SLC46A1: variants seen among roughly 807,000 people sequenced by gnomAD.
SLC46A1 encodes proton-coupled folate transporter.
A neutral mutation model predicts 32.1 loss-of-function variants in SLC46A1; 17 were observed. That is an observed-to-expected ratio of 0.53 (90% CI 0.36 to 0.79). The LOEUF is 0.79. SLC46A1 is among the 30% of genes least tolerant of loss of function. The probability of loss-of-function intolerance (pLI) is 0.00; values close to 1 mark genes in which losing one functional copy is unlikely to be tolerated. For synonymous variants in SLC46A1, 240 were observed against 262.7 expected, an observed-to-expected ratio of 0.91 and a Z score of 0.84; for missense variants, 517 against 588.2, an observed-to-expected ratio of 0.88 and a Z score of 1.25.
intron 3 of SLC46A1, chr17:28,401,257 C>T (rs1555589583): frequency 5.9e-6 from 1 of 169,566 alleles, no homozygotes; most frequent in Non-Finnish European, 1.3e-5. Context: ...TTGTGAGCAA[C>T]ATTAAGTTCA....
chr17:28,402,197 T>A lies in SLC46A1; in HGVS notation c.1165+41A>T, dbSNP rs1555589751. 5 of 1,574,978 alleles carry A rather than the reference T, an allele frequency of 3.2e-6. No individual in the cohort carries two copies. In the Admixed American group the frequency reaches 8.6e-5, roughly 27 times the overall value. ...CCCATCAGCCCGTTTCGGGCAGCAC[T>A]GGACATGAGGAACCAGACACAGGTG... On this transcript the variant is annotated intron_variant, in intron 3 of 4. Coordinates refer to ENST00000612814, the MANE Select transcript of SLC46A1 (RefSeq NM_080669.6).
Position 28,401,152 on chromosome 17 carries a change from C to T in SLC46A1, c.1166-386G>A, listed in dbSNP as rs41297107. On this transcript the variant is annotated intron_variant, in intron 3 of 4. Transcript: ENST00000612814. ...GGATTAACTGCTGGTCTGATCAGTT[C>T]CAATATTCATAGCGGTGTCACCACT... 1.0e-3 allele frequency: 305 copies of T among 295,348 alleles called. 1 individual carries two copies. In the Middle Eastern group the frequency reaches 0.017, roughly 17 times the overall value. The allele number at this position is 295,348 out of a possible 1,614,324, so 18.3% of individuals were successfully genotyped here.
chr17:28,396,495 C>G lies in SLC46A1; in HGVS notation c.*3161G>C. The G allele has an allele frequency of 1.6e-6, 1 of 619,874 alleles. No homozygotes were observed. Among genetic ancestry groups the G allele is most frequent in the Non-Finnish European group, 2.8e-6 (1 of 359,614 alleles). The allele number at this position is 619,874 out of a possible 1,614,324, so 38.4% of individuals were successfully genotyped here. On this transcript the variant is annotated 3_prime_UTR_variant, in exon 5 of 5. Transcript: ENST00000612814. ...AGGGAAGGGAAGTCAGGCTTGGGCA[C>G]GGGAGGTTAGAACTCCCCCAGGCCC...
chr17:28,396,039 GCC>G lies in SLC46A1; in HGVS notation c.*3615_*3616del. On this transcript the variant is annotated 3_prime_UTR_variant, in exon 5 of 5. Coordinates refer to ENST00000612814, the MANE Select transcript of SLC46A1 (RefSeq NM_080669.6). The stretch of plus-strand genomic sequence containing the variant: ...TCAACGGTATCAAGTGAGCCCCAGG[GCC>G]CTGGGACCAGGGGGGTAGGGTACAA... 3 of 1,613,856 alleles carry G rather than the reference GCC, an allele frequency of 1.9e-6. No homozygotes were observed. Among genetic ancestry groups the G allele is most frequent in the Non-Finnish European group, 2.5e-6 (3 of 1,179,830 alleles).
At position 28,398,529 on chromosome 17, in the gene SLC46A1, C is replaced by T. The variant is rs1555588730; in HGVS notation, c.*1127G>A. On this transcript the variant is annotated 3_prime_UTR_variant, in exon 5 of 5. Transcript: ENST00000612814. The stretch of plus-strand genomic sequence containing the variant: ...CTCAGAAGTGGCCTTTCCTCCAAAG[C>T]CTGCTCAGACACAGGTCTGTAGGGC... 2 of 152,336 alleles carry T rather than the reference C, an allele frequency of 1.3e-5. No homozygotes were observed. Among genetic ancestry groups the T allele is most frequent in the African/African-American group, 4.8e-5 (2 of 41,452 alleles). 9.4% of individuals were successfully genotyped at this position (152,336 alleles called of 1,614,324 possible).
Position 28,399,527 on chromosome 17 carries a change from G to A in SLC46A1, c.*129C>T, listed in dbSNP as rs886052752. ...TGCCTTGGTCTCTCTTGACTACCTCGTCCAAAGAGAGCACTGCCCTTAGAC... is the reference window on the plus strand; with the variant it reads ...TGCCTTGGTCTCTCTTGACTACCTCATCCAAAGAGAGCACTGCCCTTAGAC... On this transcript the variant is annotated 3_prime_UTR_variant, in exon 5 of 5. Transcript: ENST00000612814. 18 of 909,312 alleles carry A rather than the reference G, an allele frequency of 2.0e-5. No homozygotes were observed. Among genetic ancestry groups the A allele is most frequent in the South Asian group, 7.7e-5 (5 of 64,806 alleles). 56.3% of individuals were successfully genotyped at this position (909,312 alleles called of 1,614,324 possible).
Position 28,396,307 on chromosome 17 carries a change from C to G in SLC46A1, c.*3349G>C. ...CCTAACCAGTCCCCAGTTCCCCAGCCCTGCTGTGACTTCCATTTCCATCGT... is the reference window on the plus strand; with the variant it reads ...CCTAACCAGTCCCCAGTTCCCCAGCGCTGCTGTGACTTCCATTTCCATCGT... On this transcript the variant is annotated 3_prime_UTR_variant, in exon 5 of 5. Coordinates refer to ENST00000612814, the MANE Select transcript of SLC46A1 (RefSeq NM_080669.6). 6.2e-7 allele frequency: 1 copy of G among 1,613,076 alleles called. No individual in the cohort carries two copies. The highest frequency in any genetic ancestry group is 8.5e-7 in the Non-Finnish European group (1 of 1,179,324).
chr17:28,396,141 G>T lies in SLC46A1; in HGVS notation c.*3515C>A, dbSNP rs1314666787. 5.6e-6 allele frequency: 9 copies of T among 1,613,920 alleles called. No homozygotes were observed. The highest frequency in any genetic ancestry group is 3.3e-4 in the Middle Eastern group (2 of 6,062). On this transcript the variant is annotated 3_prime_UTR_variant, in exon 5 of 5. Coordinates refer to ENST00000612814, the MANE Select transcript of SLC46A1 (RefSeq NM_080669.6). ...CTGCCCAGCTGTCTGAACCACATTG[G>T]CTCCTGTGCCCACAGGTGGTCCCAC...
Position 28,396,730 on chromosome 17 carries a change from G to T in SLC46A1, c.*2926C>A. ...TCTGAGCAAGGGCCTGGGCCCAGGA[G>T]CCAGCCAGGGATGAGTGCCATCATG... On this transcript the variant is annotated 3_prime_UTR_variant, in exon 5 of 5. Coordinates refer to ENST00000612814, the MANE Select transcript of SLC46A1 (RefSeq NM_080669.6). The T allele has an allele frequency of 5.8e-6, 1 of 173,242 alleles. No individual in the cohort carries two copies. The highest frequency in any genetic ancestry group is 1.2e-5 in the Non-Finnish European group (1 of 81,066). 10.7% of individuals were successfully genotyped at this position (173,242 alleles called of 1,614,324 possible). A position where few individuals can be genotyped will look rare whatever the true frequency, so the allele number is the denominator to read the frequency against.
At position 28,400,713 on chromosome 17, in the gene SLC46A1, A is replaced by C; in HGVS notation, c.1219T>G (p.Ser407Ala). ...GGGTAGAGTGAGTTGAAGATGCCGG[A>C]GGCCGTCAGCATGGCCAGGCTATTC... Reference protein sequence around the residue: ...CVNSLAMLTASGIFNSLYPAT... With the variant: ...CVNSLAMLTAAGIFNSLYPAT... Residue 407 changes from serine (S) to alanine (A), a missense_variant, in exon 4 of 5, where the codon TCC (serine) becomes GCC (alanine). Coordinates refer to ENST00000612814, the MANE Select transcript of SLC46A1 (RefSeq NM_080669.6). 6.2e-7 allele frequency: 1 copy of C among 1,606,404 alleles called. No homozygotes were observed. Among genetic ancestry groups the C allele is most frequent in the Non-Finnish European group, 8.5e-7 (1 of 1,176,720 alleles).
chr17:28,404,865 T>A lies in SLC46A1; in HGVS notation c.832A>T (p.Ile278Phe). 6.2e-7 allele frequency: 1 copy of A among 1,613,954 alleles called. No individual in the cohort carries two copies. Among genetic ancestry groups the A allele is most frequent in the Non-Finnish European group, 8.5e-7 (1 of 1,179,878 alleles). The change falls in exon 2 of 5, where the codon ATC (isoleucine) becomes TTC (phenylalanine). Residue 278 changes from isoleucine to phenylalanine, a missense_variant. Ile to Phe is a conservative substitution (Grantham distance 21, BLOSUM62 0). Transcript: ENST00000612814. The part of the protein sequence containing the change: ...ALYSLAIFVV[I>F]TVHFGAQDIL... ...TCCTGGGCCCCAAAGTGCACAGTGA[T>A]CACCACGAAGATGGCCAGTGAGTAG...
Position 28,404,714 on chromosome 17 carries a change from C to G in SLC46A1, c.983G>C (p.Cys328Ser). Residue 328 changes from cysteine to serine, a missense_variant, in exon 2 of 5, where the codon TGC becomes TCC. Physicochemically the swap from Cys to Ser is moderately radical, Grantham distance 112 (BLOSUM62 -1). Coordinates refer to ENST00000612814, the MANE Select transcript of SLC46A1 (RefSeq NM_080669.6). ...SLLALKLLQY[C>S]LADAWVAEIG... The stretch of plus-strand genomic sequence containing the variant: ...CTCAGCTACCCAGGCATCGGCCAGG[C>G]AGTACTGCAGGAGCTTCAGGGCCAG... 6.2e-7 allele frequency: 1 copy of G among 1,613,960 alleles called. No homozygotes were observed. The highest frequency in any genetic ancestry group is 2.2e-5 in the East Asian group (1 of 44,878).
intron 4 of SLC46A1, 54 bp downstream of exon 4, chr17:28,400,556 A>G: frequency 6.3e-7 from 1 of 1,599,520 alleles, no homozygotes; most frequent in Non-Finnish European, 8.5e-7. Context: ...GAGAAGAGGA[A>G]ACTTTTAAGA....
chr17:28,402,199 G>A (rs782232449), intron 3 of SLC46A1, 39 bp downstream of exon 3: 1 of 1,580,980 alleles, frequency 6.3e-7, no homozygotes, highest in Non-Finnish European at 8.6e-7. Flanking sequence ...GGCAGCACTG[G>A]ACATGAGGAA....
At chr17:28,402,452 G>T in intron 2 of SLC46A1, 131 bp from the exon 3 acceptor site, 1 of 721,714 alleles carries the variant, frequency 1.4e-6, no homozygotes. Context: ...CCTTGATGGT[G>T]AGGGTGGGAA....
At chr17:28,404,085 C>CA (rs1220452026) in intron 2 of SLC46A1, 1 of 157,190 alleles carries the variant, frequency 6.4e-6, no homozygotes, top group Non-Finnish European at 1.4e-5. Context: ...CCTCTCCCAT[C>CA]AAAAAAAGAA....
rs1307853718 is a variant in SLC46A1 at position 28,394,658 on chromosome 17, A to G, written c.*4998T>C. 6.6e-6 allele frequency: 1 copy of G among 152,246 alleles called. No individual in the cohort carries two copies. The highest frequency in any genetic ancestry group is 1.5e-5 in the Non-Finnish European group (1 of 68,046). 9.4% of individuals were successfully genotyped at this position (152,246 alleles called of 1,614,324 possible). A position where few individuals can be genotyped will look rare whatever the true frequency, so the allele number is the denominator to read the frequency against. On this transcript the variant is annotated 3_prime_UTR_variant, in exon 5 of 5. Transcript: ENST00000612814. ...TCAGGAAAGCACTTTACTTACTATT[A>G]GTTGTTTATTATGTCAACCTTAAAT...
At position 28,400,710 on chromosome 17, in the gene SLC46A1, C is replaced by T. The variant is rs1326269937; in HGVS notation, c.1222G>A (p.Gly408Ser). 22 of 1,606,840 alleles carry T rather than the reference C, an allele frequency of 1.4e-5. No homozygotes were observed. Among genetic ancestry groups the T allele is most frequent in the Non-Finnish European group, 1.8e-5 (21 of 1,177,006 alleles). The change falls in exon 4 of 5, where the codon GGC becomes AGC. Residue 408 changes from glycine to serine, a missense_variant. Coordinates refer to ENST00000612814, the MANE Select transcript of SLC46A1 (RefSeq NM_080669.6). ...VNSLAMLTASGIFNSLYPATL... is the reference protein window; with the variant it reads ...VNSLAMLTASSIFNSLYPATL... ...GCTGGGTAGAGTGAGTTGAAGATGC[C>T]GGAGGCCGTCAGCATGGCCAGGCTA...
At position 28,396,407 on chromosome 17, in the gene SLC46A1, C is replaced by G; in HGVS notation, c.*3249G>C. 1.7e-6 allele frequency: 2 copies of G among 1,146,226 alleles called. No homozygotes were observed. 71.0% of individuals were successfully genotyped at this position (1,146,226 alleles called of 1,614,324 possible). On this transcript the variant is annotated 3_prime_UTR_variant, in exon 5 of 5. Transcript: ENST00000612814. ...CCTGGGCTCTTCTTAGGAAATGGCTCTCCCTCCCCCTGTCCCCCACCCTCA... is the reference window on the plus strand; with the variant it reads ...CCTGGGCTCTTCTTAGGAAATGGCTGTCCCTCCCCCTGTCCCCCACCCTCA...
Sources: gnomAD v4.1 joint callset for allele counts on GRCh38, gnomAD v4.1.1 for gene constraint, MANE v1.5 for transcripts, NCBI Gene and HGNC (gene_info 2026-07-23, HGNC 2026-07-21) for gene names.